Variants in LHFPL3 observed in about 807,000 individuals in gnomAD.
The protein encoded by LHFPL3 is LHFPL tetraspan subfamily member 3.
Under a neutral mutation model 19.3 loss-of-function variants are expected in LHFPL3, and 5 were observed. The ratio of observed to expected loss-of-function variants is 0.26; its 90% CI spans 0.14 to 0.54. The LOEUF is 0.54. Among genes scored for constraint, LHFPL3 ranks in the 20% least tolerant of loss-of-function variants. The pLI is 0.94. For synonymous variants in LHFPL3, 133 were observed against 126.2 expected (o/e 1.05, Z -0.36); for missense variants, 249 against 307.4 (o/e 0.81, Z 1.42).
chr7:104,596,796 A>G (rs1480198655), intron 1 of LHFPL3, among the ~76,000 whole-genome samples: 5 of 152,220 alleles, frequency 3.3e-5, no homozygotes, highest in African/African-American at 9.6e-5. Context: ...GAAAATGTGC[A>G]GCTAGGTCTT....
chr7:104,467,313 G>T (rs559740037), intron 1 of LHFPL3, among the ~76,000 whole-genome samples: 1 of 152,282 alleles, frequency 6.6e-6, no homozygotes, highest in East Asian at 1.9e-4. Context: ...CTAGGATTGG[G>T]TAGGGGCATA....
intron 1 of LHFPL3, among the ~76,000 whole-genome samples, chr7:104,492,457 G>A (rs1793377107): frequency 1.3e-5 from 2 of 152,194 alleles, no homozygotes; most frequent in Admixed American, 6.5e-5. Context: ...CCGGGACCAT[G>A]TTGCATTCAC....
intron 2 of LHFPL3, among the ~76,000 whole-genome samples, chr7:104,871,997 T>C (rs1438072861): frequency 3.9e-5 from 6 of 152,122 alleles, no homozygotes; most frequent in Non-Finnish European, 8.8e-5. Flanking sequence ...AACAGGTTTT[T>C]TCTCTATTAA....
intron 1 of LHFPL3, among the ~76,000 whole-genome samples, chr7:104,547,019 G>A (rs1335204238): frequency 3.7e-5 from 1 of 26,920 alleles, no homozygotes; most frequent in African/African-American, 1.0e-4. Context: ...GGTGGATCAT[G>A]AGGTCAGGAG....
chr7:104,460,075 A>G (rs1335576902), intron 1 of LHFPL3, among the ~76,000 whole-genome samples: 1 of 151,978 alleles, frequency 6.6e-6, no homozygotes, highest in Non-Finnish European at 1.5e-5. Context: ...GGGTCTCATC[A>G]TTTAACTCCC....
chr7:104,593,601 C>T (rs199975763), intron 1 of LHFPL3, among the ~76,000 whole-genome samples: 4 of 152,006 alleles, frequency 2.6e-5, no homozygotes, highest in Non-Finnish European at 4.4e-5. Context: ...CCTTGTTAAC[C>T]TTCTGTCTTG....
At chr7:104,842,756 T>G (rs1383415946) in intron 2 of LHFPL3, among the ~76,000 whole-genome samples, 1 of 152,252 alleles carries the variant, frequency 6.6e-6, no homozygotes, top group Non-Finnish European at 1.5e-5. Flanking sequence ...CTAGTTATAA[T>G]TTGATTAATT....
In LHFPL3 at chr7:104,735,005, T is replaced by C. The variant is rs551492650; in HGVS notation, c.446-1670T>C. ...CCACTCCAGACCCTGTTTGCCTGGG[T>C]ATCACCAGCAGAGGCTGCAGAACAG... On this transcript the variant is annotated intron_variant, in intron 1 of 2. Transcript: ENST00000424859. 2.6e-4 allele frequency among the ~76,000 whole-genome samples: 40 copies of C among 152,330 alleles called. 1 individual carries two copies. The East Asian group carries it at 7.7e-3, about 29-fold the overall frequency.
intron 1 of LHFPL3, among the ~76,000 whole-genome samples, chr7:104,614,150 C>T (rs1057442806): frequency 6.6e-6 from 1 of 152,126 alleles, no homozygotes; most frequent in African/African-American, 2.4e-5. Context: ...AGGTTAGGAT[C>T]TTATAATCAG....
At chr7:104,630,401 T>A (rs1415545026) in intron 1 of LHFPL3, among the ~76,000 whole-genome samples, 1 of 152,030 alleles carries the variant, frequency 6.6e-6, no homozygotes, top group African/African-American at 2.4e-5. Context: ...TGGGTGGATG[T>A]GAGAATATAG....
chr7:104,704,054 T>C (rs1793145434), intron 1 of LHFPL3, among the ~76,000 whole-genome samples: 1 of 152,212 alleles, frequency 6.6e-6, no homozygotes, highest in African/African-American at 2.4e-5. Flanking sequence ...TCTCCTATCC[T>C]ACATTATCCC....
chr7:104,800,130 A>G lies in LHFPL3; in HGVS notation c.682+63219A>G, dbSNP rs948086267. The G allele has an allele frequency of 3.3e-5, 5 of 152,374 alleles. 1 individual carries two copies. The highest frequency in any genetic ancestry group is 2.9e-5 in the Non-Finnish European group (2 of 68,040). 9.4% of individuals were successfully genotyped at this position (152,374 alleles called of 1,614,324 possible). A position where few individuals can be genotyped will look rare whatever the true frequency, so the allele number is the denominator to read the frequency against. On this transcript the variant is annotated intron_variant, in intron 2 of 2. Transcript: ENST00000424859. Reference sequence around the variant, plus strand: ...AGGATTTGCTGTCCCTAAACCAAAGATGTCCTTAAACCTAAGGCTAATGTT... The same window carrying G: ...AGGATTTGCTGTCCCTAAACCAAAGGTGTCCTTAAACCTAAGGCTAATGTT...
chr7:104,602,020 C>CT (rs57501560), intron 1 of LHFPL3, among the ~76,000 whole-genome samples: 4,892 of 91,358 alleles, frequency 0.054, 385 homozygotes, highest in African/African-American at 0.11. Flanking sequence ...TTTTTCTTTT[C>CT]TTTTTTTTTT....
At chr7:104,523,932 G>A (rs1199812612) in intron 1 of LHFPL3, among the ~76,000 whole-genome samples, 1 of 152,088 alleles carries the variant, frequency 6.6e-6, no homozygotes, top group East Asian at 1.9e-4. Context: ...TTCATCCTAG[G>A]AATCAATTAT....
chr7:104,499,207 A>G (rs1793550882), intron 1 of LHFPL3, among the ~76,000 whole-genome samples: 1 of 152,234 alleles, frequency 6.6e-6, no homozygotes, highest in Non-Finnish European at 1.5e-5. Context: ...GACAGAGTCT[A>G]GTTTTCACTT....
intron 1 of LHFPL3, among the ~76,000 whole-genome samples, chr7:104,414,701 T>C (rs139364637): frequency 6.6e-6 from 1 of 152,372 alleles, no homozygotes; most frequent in Non-Finnish European, 1.5e-5. Flanking sequence ...CAAGGCCTTA[T>C]TGACCTTCGC....
chr7:104,355,367 C>T (rs1790253542), intron 1 of LHFPL3, among the ~76,000 whole-genome samples: 1 of 152,154 alleles, frequency 6.6e-6, no homozygotes, highest in Non-Finnish European at 1.5e-5. Context: ...CCTGAGACGT[C>T]ACACTTGGAC....
chr7:104,395,215 A>G (rs1004204703), intron 1 of LHFPL3, among the ~76,000 whole-genome samples: 7 of 152,208 alleles, frequency 4.6e-5, no homozygotes, highest in Non-Finnish European at 8.8e-5. Context: ...TCTTTTTAAC[A>G]CAATTAACAA....
intron 2 of LHFPL3, among the ~76,000 whole-genome samples, chr7:104,843,552 C>T (rs1791253964): frequency 6.6e-6 from 1 of 152,226 alleles, no homozygotes; most frequent in African/African-American, 2.4e-5. Context: ...GTGTTTCTGA[C>T]ACCCAACTTC....
Sources: allele counts gnomAD v4.1 joint callset (sites outside exome capture counted in the v4.1 genomes callset), GRCh38; gene constraint gnomAD v4.1.1; transcripts MANE v1.5; gene names NCBI Gene and HGNC (gene_info 2026-07-23, HGNC 2026-07-21).